Variants in E2F3 observed in about 807,000 individuals in gnomAD.
E2F3 encodes the protein E2F transcription factor 3.
Under a neutral mutation model 44.4 loss-of-function variants are expected in E2F3, and 11 were observed. The ratio of observed to expected loss-of-function variants is 0.25; its 90% CI spans 0.16 to 0.41. The LOEUF (loss-of-function observed/expected upper bound fraction) is 0.41, where lower values mean the gene tolerates loss of function less well. Ranked by LOEUF, E2F3 falls within the 10% of genes least tolerant of loss-of-function variation. The pLI is 1.00. For missense variants in E2F3, 487 were observed against 583.6 expected, an observed-to-expected ratio of 0.83 and a Z score of 1.70; for synonymous variants, 249 against 253.0, an observed-to-expected ratio of 0.98 and a Z score of 0.15.
intron 1 of E2F3, among the ~76,000 whole-genome samples, chr6:20,408,259 T>G (rs578191448): frequency 6.6e-6 from 1 of 152,182 alleles, no homozygotes; most frequent in Non-Finnish European, 1.5e-5. Context: ...AATGTATCTT[T>G]CACAAAGAAA....
intron 1 of E2F3, among the ~76,000 whole-genome samples, chr6:20,466,886 T>G (rs1761731738): frequency 6.6e-6 from 1 of 152,172 alleles, no homozygotes; most frequent in Non-Finnish European, 1.5e-5. Context: ...TTCACCGTCT[T>G]GGCCAGGCTG....
chr6:20,457,448 A>G (rs921555182), intron 1 of E2F3, among the ~76,000 whole-genome samples: 4 of 149,730 alleles, frequency 2.7e-5, no homozygotes, highest in Non-Finnish European at 4.4e-5. Flanking sequence ...CGGCCTCCCA[A>G]AGTGGTGGGA....
Position 20,423,545 on chromosome 6 carries a change from A to T in E2F3, c.393+20920A>T, listed in dbSNP as rs573558065. On this transcript the variant is annotated intron_variant, in intron 1 of 6. Coordinates refer to ENST00000346618, the MANE Select transcript of E2F3 (RefSeq NM_001949.5). ...GAGTGCAATGGCACGATCTCGGCTC[A>T]CTGCAACCTCTGCCTCCTGGGTTCA... is the stretch of plus-strand genomic sequence containing the variant. 1.6e-4 allele frequency among the ~76,000 whole-genome samples: 24 copies of T among 152,242 alleles called. No homozygotes were observed. The East Asian group carries it at 4.6e-3, about 29-fold the overall frequency.
At chr6:20,409,390 G>T (rs1437558248) in intron 1 of E2F3, among the ~76,000 whole-genome samples, 1 of 152,148 alleles carries the variant, frequency 6.6e-6, no homozygotes, top group Non-Finnish European at 1.5e-5. Flanking sequence ...TTTGATATTC[G>T]CAAATTTGTC....
chr6:20,441,058 A>G (rs1277977071), intron 1 of E2F3, among the ~76,000 whole-genome samples: 4 of 152,218 alleles, frequency 2.6e-5, no homozygotes, highest in Non-Finnish European at 5.9e-5. Context: ...TAGGTGTATG[A>G]TTCAGTAGCA....
At position 20,486,706 on chromosome 6, in the gene E2F3, A is replaced by G; in HGVS notation, c.902A>G (p.Tyr301Cys). 1.2e-6 allele frequency: 2 copies of G among 1,603,872 alleles called. No individual in the cohort carries two copies. The highest frequency in any genetic ancestry group is 1.7e-6 in the Non-Finnish European group (2 of 1,172,240). ...CTCTTTACGTTAGCTTATGTTACAT[A>G]TCAAGATATTCGAAAAATTAGTGGC... ...SENQRLAYVT[Y>C]QDIRKISGLK... The change falls in exon 5 of 7, where the codon TAT becomes TGT. Residue 301 changes from tyrosine to cysteine, a missense_variant. Tyr to Cys is a radical substitution (Grantham distance 194, BLOSUM62 -2). Coordinates refer to ENST00000346618, the MANE Select transcript of E2F3 (RefSeq NM_001949.5).
chr6:20,433,698 C>T (rs1174757334), intron 1 of E2F3, among the ~76,000 whole-genome samples: 1 of 151,982 alleles, frequency 6.6e-6, no homozygotes, highest in Non-Finnish European at 1.5e-5. Context: ...TTTTGAATAG[C>T]TATATTTCAA....
In E2F3 at chr6:20,488,208, C is replaced by T. The variant is rs1350737099; in HGVS notation, c.1095C>T (p.Asn365=). ...TETHSPMKTN[N]QDHNGNIPKP... ...CACACAGTCCAATGAAAACAAACAA[C>T]CAAGACCACAATGGGAATATCCCTA... is the stretch of plus-strand genomic sequence containing the variant. Residue 365 remains asparagine, a synonymous_variant, in exon 6 of 7, where the codon AAC becomes AAT. Transcript: ENST00000346618. 1.2e-6 allele frequency: 2 copies of T among 1,609,130 alleles called. No homozygotes were observed. Among genetic ancestry groups the T allele is most frequent in the Admixed American group, 1.7e-5 (1 of 58,642 alleles).
intron 1 of E2F3, among the ~76,000 whole-genome samples, chr6:20,425,689 C>T (rs1047247361): frequency 1.3e-5 from 2 of 152,194 alleles, no homozygotes; most frequent in East Asian, 1.9e-4. Flanking sequence ...TGAGCCACTG[C>T]GCCCGGCCCC....
Position 20,442,123 on chromosome 6 carries a change from C to A in E2F3, c.394-37723C>A, listed in dbSNP as rs7760528. ...TGTTGGCTTTGGCTAGAGAAAGGAG[C>A]ATATTTGTTTTGCTACTGACCTGGT... On this transcript the variant is annotated intron_variant, in intron 1 of 6. Coordinates refer to ENST00000346618, the MANE Select transcript of E2F3 (RefSeq NM_001949.5). 5.9e-5 allele frequency among the ~76,000 whole-genome samples: 9 copies of A among 151,832 alleles called. No homozygotes were observed. The South Asian group carries it at 8.3e-4, about 14-fold the overall frequency.
intron 4 of E2F3, among the ~76,000 whole-genome samples, chr6:20,483,713 A>G (rs1260071353): frequency 6.6e-6 from 1 of 152,224 alleles, no homozygotes; most frequent in Non-Finnish European, 1.5e-5. Flanking sequence ...AAGACTTGCC[A>G]ATATTCTCAG....
intron 1 of E2F3, among the ~76,000 whole-genome samples, chr6:20,415,833 T>C (rs1344171228): frequency 6.6e-6 from 1 of 152,212 alleles, no homozygotes; most frequent in Non-Finnish European, 1.5e-5. Context: ...ATTAATTGGC[T>C]GCTGGAAGCC....
rs184888610 is a variant in E2F3 at position 20,426,337 on chromosome 6, T to G, written c.393+23712T>G. 2.0e-5 allele frequency among the ~76,000 whole-genome samples: 3 copies of G among 152,346 alleles called. No homozygotes were observed. The South Asian group carries it at 6.2e-4, about 32-fold the overall frequency. The stretch of plus-strand genomic sequence containing the variant: ...GTTTTGCTTTGTCATTCATTTATTG[T>G]TTTTTGGTCTACATTATCCAATTTT... On this transcript the variant is annotated intron_variant, in intron 1 of 6. Transcript: ENST00000346618.
intron 1 of E2F3, among the ~76,000 whole-genome samples, chr6:20,409,411 A>G (rs968758727): frequency 3.9e-5 from 6 of 152,236 alleles, no homozygotes; most frequent in African/African-American, 1.2e-4. Flanking sequence ...TTCTGTGGTT[A>G]TATCAATTCT....
In E2F3 at chr6:20,479,966, C is replaced by A. The variant is rs753043310; in HGVS notation, c.505+9C>A. Reference sequence around the variant, plus strand: ...TCCAGATAGTCCAAAAAGTAAGGATCTTTTCATCTCTTTCCTTATTCTCCT... The same window carrying A: ...TCCAGATAGTCCAAAAAGTAAGGATATTTTCATCTCTTTCCTTATTCTCCT... On this transcript the variant is annotated intron_variant, in intron 2 of 6. Transcript: ENST00000346618. The A allele has an allele frequency of 5.0e-6, 8 of 1,592,194 alleles. No individual in the cohort carries two copies. The South Asian group carries it at 8.0e-5, about 16-fold the overall frequency.
intron 1 of E2F3, among the ~76,000 whole-genome samples, chr6:20,411,639 G>A (rs1392741924): frequency 4.6e-5 from 7 of 152,284 alleles, no homozygotes; most frequent in Middle Eastern, 6.8e-3. Flanking sequence ...TGCAGGCACC[G>A]CAGATTTCCC....
At chr6:20,467,167 A>G (rs1041242031) in intron 1 of E2F3, among the ~76,000 whole-genome samples, 5 of 152,172 alleles carry the variant, frequency 3.3e-5, no homozygotes, top group Non-Finnish European at 7.3e-5. Context: ...TTCTTGAACT[A>G]TCTCTCGATT....
chr6:20,413,460 C>T (rs1226845069), intron 1 of E2F3, among the ~76,000 whole-genome samples: 4 of 152,228 alleles, frequency 2.6e-5, no homozygotes, highest in Non-Finnish European at 4.4e-5. Flanking sequence ...CCCCAAGCCT[C>T]ATACCTGCTC....
intron 1 of E2F3, among the ~76,000 whole-genome samples, chr6:20,410,779 C>T (rs763993598): frequency 3.3e-5 from 5 of 152,140 alleles, no homozygotes; most frequent in Non-Finnish European, 7.3e-5. Context: ...CCACCACGCC[C>T]AGCTAATTTT....
Sources: allele counts gnomAD v4.1 joint callset (sites outside exome capture counted in the v4.1 genomes callset), GRCh38; gene constraint gnomAD v4.1.1; transcripts MANE v1.5; gene names NCBI Gene and HGNC (gene_info 2026-07-23, HGNC 2026-07-21).